The following POR variants were observed in gnomAD, a reference collection of about 807,000 sequenced individuals.
The protein encoded by POR is NADPH--cytochrome P450 reductase.
POR carries 56 observed loss-of-function variants against 84.0 expected under a neutral mutation model. The observed-to-expected ratio is 0.67, with a 90% confidence interval of 0.54 to 0.83. POR has a LOEUF of 0.83. Ranked by LOEUF, POR falls within the 40% of genes least tolerant of loss-of-function variation. POR has a pLI of 0.00. For synonymous variants in POR, 414 were observed against 400.5 expected, an observed-to-expected ratio of 1.03 and a Z score of -0.40; for missense variants, 938 against 944.3, an observed-to-expected ratio of 0.99 and a Z score of 0.09.
At chr7:75,963,869 A>G (rs1363703628) in intron 2 of POR, among the ~76,000 whole-genome samples, 1 of 152,150 alleles carries the variant, frequency 6.6e-6, no homozygotes, top group East Asian at 1.9e-4. Flanking sequence ...GAGGGAGCTG[A>G]CACAGGAGAG....
chr7:75,983,983 A>T (rs982337248), intron 10 of POR, 127 bp downstream of exon 10: 2 of 660,842 alleles, frequency 3.0e-6, no homozygotes, highest in East Asian at 3.0e-5. Flanking sequence ...TTGCACCGAG[A>T]CTCCACGGTT....
intron 1 of POR, among the ~76,000 whole-genome samples, chr7:75,934,185 A>G (rs954028144): frequency 8.1e-6 from 1 of 124,206 alleles, no homozygotes; most frequent in Non-Finnish European, 1.7e-5. Flanking sequence ...TAGATCACTC[A>G]GTCTTTGTTT....
intron 12 of POR, 114 bp from the exon 13 acceptor site, chr7:75,985,465 G>C (rs557014202): frequency 1.5e-6 from 2 of 1,321,508 alleles, no homozygotes; most frequent in Non-Finnish European, 2.0e-6. Flanking sequence ...TTGGGTGCCA[G>C]GTGGGCTGGA....
chr7:75,929,643 G>A (rs1216954092), intron 1 of POR, among the ~76,000 whole-genome samples: 7 of 152,066 alleles, frequency 4.6e-5, no homozygotes, highest in African/African-American at 1.2e-4. Flanking sequence ...TGACCAATAC[G>A]GTGCCCTCTG....
At chr7:75,944,654 G>A (rs902167331) in intron 1 of POR, among the ~76,000 whole-genome samples, 1 of 152,148 alleles carries the variant, frequency 6.6e-6, no homozygotes, top group African/African-American at 2.4e-5. Context: ...AGAAAAGAGA[G>A]TCAACAGACA....
At chr7:75,968,073 T>C in intron 2 of POR, 1 of 454,924 alleles carries the variant, frequency 2.2e-6, no homozygotes, top group Non-Finnish European at 4.4e-6. Context: ...GAGCTGAGAG[T>C]GAGAAGCCAT....
chr7:75,923,464 C>T, intron 1 of POR: 1 of 528,166 alleles, frequency 1.9e-6, no homozygotes, highest in Non-Finnish European at 3.4e-6. Flanking sequence ...TGCCAAACTA[C>T]AGTAAATTTT....
intron 1 of POR, among the ~76,000 whole-genome samples, chr7:75,939,921 T>C (rs73363943): frequency 0.027 from 4,129 of 151,308 alleles, 171 homozygotes; most frequent in African/African-American, 0.096. Context: ...TTTACTCTTA[T>C]TATATAGTGA....
chr7:75,921,419 G>A (rs1262726002), intron 1 of POR, among the ~76,000 whole-genome samples: 5 of 151,660 alleles, frequency 3.3e-5, no homozygotes, highest in African/African-American at 7.3e-5. Context: ...GCGGCACCGC[G>A]CCCAGCTAAT....
At chr7:75,953,723 G>A (rs1787554018) in intron 1 of POR, among the ~76,000 whole-genome samples, 1 of 152,308 alleles carries the variant, frequency 6.6e-6, no homozygotes, top group East Asian at 1.9e-4. Flanking sequence ...CAGGGACCCA[G>A]TCCCAGCTGC....
chr7:75,948,538 T>TA (rs1554552374), intron 1 of POR, among the ~76,000 whole-genome samples: 1 of 152,156 alleles, frequency 6.6e-6, no homozygotes. Context: ...GTGCAGGTGT[T>TA]AGAGACAGGC....
chr7:75,964,627 A>G (rs1554554981), intron 2 of POR, among the ~76,000 whole-genome samples: 1 of 152,164 alleles, frequency 6.6e-6, no homozygotes, highest in African/African-American at 2.4e-5. Context: ...CTTTCTTTGT[A>G]AATTTTATTT....
intron 1 of POR, among the ~76,000 whole-genome samples, chr7:75,928,050 C>T (rs1323154476): frequency 6.7e-6 from 1 of 149,718 alleles, no homozygotes; most frequent in African/African-American, 2.5e-5. Flanking sequence ...TCACTTACCA[C>T]AACCTCCACC....
At chr7:75,981,631 T>C (rs1554557977) in intron 7 of POR, 25 bp downstream of exon 7, 1 of 1,600,244 alleles carries the variant, frequency 6.2e-7, no homozygotes, top group Admixed American at 1.7e-5. Flanking sequence ...GCAGGTGCGG[T>C]GGGTGGCCTG....
intron 1 of POR, among the ~76,000 whole-genome samples, chr7:75,945,127 A>T (rs181880957): frequency 2.3e-3 from 352 of 152,160 alleles, no homozygotes; most frequent in Non-Finnish European, 3.0e-3. Context: ...CTAAAAATAC[A>T]AAAATTAGCC....
chr7:75,985,311 G>T, intron 12 of POR, 104 bp downstream of exon 12: 1 of 1,391,386 alleles, frequency 7.2e-7, no homozygotes, highest in African/African-American at 1.4e-5. Flanking sequence ...TGAGCCCTGA[G>T]CTCCAGTTCC....
rs1282792885 is a variant in POR, at chr7:75,954,070, C to T, written c.78C>T (p.Phe26=). Residue 26 remains phenylalanine, a synonymous_variant, in exon 2 of 16, where the codon TTC becomes TTT. Coordinates refer to ENST00000461988, the MANE Select transcript of POR (RefSeq NM_000941.3). ...CGGTGGCCGAAGAAGTATCTCTTTT[C>T]AGCATGACGGACATGATTCTGTTTT... is the stretch of plus-strand genomic sequence containing the variant. The T allele has an allele frequency of 1.2e-6, 2 of 1,612,532 alleles. No individual in the cohort carries two copies. Among genetic ancestry groups the T allele is most frequent in the Non-Finnish European group, 1.7e-6 (2 of 1,179,298 alleles).
At chr7:75,949,510 G>A (rs1318589734) in intron 1 of POR, among the ~76,000 whole-genome samples, 2 of 150,780 alleles carry the variant, frequency 1.3e-5, no homozygotes, top group Non-Finnish European at 3.0e-5. Flanking sequence ...TGTTGTTGTT[G>A]TTGTTGTTGT....
At chr7:75,926,724 G>A (rs559856333) in intron 1 of POR, among the ~76,000 whole-genome samples, 4 of 152,160 alleles carry the variant, frequency 2.6e-5, no homozygotes, top group Non-Finnish European at 5.9e-5. Context: ...AACCCGGGGG[G>A]CAGAGGTTGC....
Sources: allele counts gnomAD v4.1 joint callset (sites outside exome capture counted in the v4.1 genomes callset), GRCh38; gene constraint gnomAD v4.1.1; transcripts MANE v1.5; gene names NCBI Gene and HGNC (gene_info 2026-07-23, HGNC 2026-07-21).